The following INPP5K variants were observed in gnomAD, a reference collection of about 807,000 sequenced individuals.
INPP5K encodes the protein inositol polyphosphate 5-phosphatase K.
A neutral mutation model predicts 53.5 loss-of-function variants in INPP5K; 35 were observed. That is an observed-to-expected ratio of 0.65 (90% confidence interval 0.50 to 0.87). The LOEUF (loss-of-function observed/expected upper bound fraction) is 0.87, where lower values mean the gene tolerates loss of function less well. INPP5K is among the 40% of genes least tolerant of loss of function. The pLI is 0.00. For synonymous variants in INPP5K, 253 were observed against 232.8 expected, an observed-to-expected ratio of 1.09 and a Z score of -0.79; for missense variants, 550 against 586.2, an observed-to-expected ratio of 0.94 and a Z score of 0.64.
Position 1,495,755 on chromosome 17 carries a change from C to T in INPP5K, c.*68G>A. Reference sequence around the variant, plus strand: ...GGGGCCAGGCTGGGCCCCCAGCACTCCCGGCAGTGGAAAGGCAGAGCTGGC... The same window carrying T: ...GGGGCCAGGCTGGGCCCCCAGCACTTCCGGCAGTGGAAAGGCAGAGCTGGC... On this transcript the variant is annotated 3_prime_UTR_variant, in exon 12 of 12. Transcript: ENST00000421807. The T allele has an allele frequency of 5.0e-6, 6 of 1,209,866 alleles. No homozygotes were observed. The East Asian group carries it at 1.2e-4, about 24-fold the overall frequency. The allele number at this position is 1,209,866 out of a possible 1,614,324, so 74.9% of individuals were successfully genotyped here.
At chr17:1,503,942 T>G (rs865893710) in intron 7 of INPP5K, among the ~76,000 whole-genome samples, 151 of 152,256 alleles carry the variant, frequency 9.9e-4, no homozygotes, top group African/African-American at 3.2e-3. Context: ...CCCTCCAGGT[T>G]CCTCTCGTCA....
intron 8 of INPP5K, among the ~76,000 whole-genome samples, chr17:1,497,067 C>T (rs186349995): frequency 5.9e-5 from 9 of 152,338 alleles, no homozygotes; most frequent in South Asian, 2.1e-4. Flanking sequence ...AGCAGAGGCA[C>T]GGCTGAGAGG....
At position 1,498,083 on chromosome 17, in the gene INPP5K, C is replaced by G; in HGVS notation, c.816G>C (p.Leu272=). The G allele has an allele frequency of 6.2e-7, 1 of 1,613,888 alleles. No homozygotes were observed. Reference sequence around the variant, plus strand: ...CACAGGGCTGCCGCTTCAGCCTCCACAGGATGCGATCGGTCCATGCAGGCT... The same window carrying G: ...CACAGGGCTGCCGCTTCAGCCTCCAGAGGATGCGATCGGTCCATGCAGGCT... ...KRKPAWTDRI[L]WRLKRQPCAG... is the part of the protein sequence containing the mutation. The change falls in exon 8 of 12, where the codon CTG becomes CTC. Residue 272 remains leucine (L), a synonymous_variant. Transcript: ENST00000421807.
Position 1,496,150 on chromosome 17 carries a change from G to T in INPP5K, c.1200C>A (p.Ile400=). 6.2e-7 allele frequency: 1 copy of T among 1,611,026 alleles called. No homozygotes were observed. The highest frequency in any genetic ancestry group is 8.5e-7 in the Non-Finnish European group (1 of 1,177,212). ...CATCTTCAGTGGTAGGGATATTGCT[G>T]ATGTCGATGTAAACCTGGAGGGGGA... ...SDNLNQVYID[I]SNIPTTEDEF... Residue 400 remains isoleucine (I), a synonymous_variant, in exon 11 of 12, where the codon ATC becomes ATA. Transcript: ENST00000421807.
chr17:1,516,566 A>G lies in INPP5K; in HGVS notation c.-67T>C. 1 of 1,477,094 alleles carries G rather than the reference A, an allele frequency of 6.8e-7. No individual in the cohort carries two copies. The highest frequency in any genetic ancestry group is 8.9e-7 in the Non-Finnish European group (1 of 1,122,242). 91.5% of individuals were successfully genotyped at this position (1,477,094 alleles called of 1,614,324 possible). On this transcript the variant is annotated 5_prime_UTR_variant, in exon 1 of 12. Coordinates refer to ENST00000421807, the MANE Select transcript of INPP5K (RefSeq NM_016532.4). ...CTCCCGGCCAGCGGGTCCCGGCCAG[A>G]GCAGCCCTGCGGGCGGCCGGTCTCA...
intron 7 of INPP5K, among the ~76,000 whole-genome samples, 183 bp downstream of exon 7, chr17:1,506,797 G>A (rs148573162): frequency 1.2e-3 from 178 of 150,956 alleles, no homozygotes; most frequent in African/African-American, 3.7e-3. Context: ...CCACTCTCTC[G>A]AGATCTGGGA....
intron 10 of INPP5K, 51 bp from the exon 11 acceptor site, chr17:1,496,215 C>G: frequency 1.3e-6 from 2 of 1,525,716 alleles, no homozygotes; most frequent in Middle Eastern, 1.7e-4. Flanking sequence ...CTGGGCTCCA[C>G]CCAGCTCTGA....
intron 7 of INPP5K, among the ~76,000 whole-genome samples, chr17:1,504,892 T>C (rs1233811589): frequency 6.6e-6 from 1 of 152,212 alleles, no homozygotes; most frequent in Non-Finnish European, 1.5e-5. Context: ...AGGAAAGTAC[T>C]GTGGGCTACA....
chr17:1,516,260 T>C, intron 1 of INPP5K, 196 bp downstream of exon 1: 1 of 862,818 alleles, frequency 1.2e-6, no homozygotes, highest in Non-Finnish European at 1.7e-6. Flanking sequence ...GGGAACGAGC[T>C]TGGCGGCCTC....
intron 8 of INPP5K, among the ~76,000 whole-genome samples, chr17:1,497,006 G>A (rs1379074226): frequency 2.6e-5 from 4 of 152,214 alleles, no homozygotes; most frequent in Non-Finnish European, 5.9e-5. Flanking sequence ...CGGGTGGCTG[G>A]CCCTGTCGGA....
chr17:1,515,643 C>T, intron 1 of INPP5K: 2 of 963,138 alleles, frequency 2.1e-6, no homozygotes, highest in Non-Finnish European at 2.5e-6. Context: ...GCCAAAACAT[C>T]TCTCCTCCAA....
intron 7 of INPP5K, among the ~76,000 whole-genome samples, chr17:1,504,327 C>A (rs898748514): frequency 3.3e-5 from 5 of 152,154 alleles, no homozygotes; most frequent in African/African-American, 9.7e-5. Context: ...GAGGAGGGGC[C>A]GGGAAGGCGT....
At chr17:1,506,808 C>T (rs1023869225) in intron 7 of INPP5K, among the ~76,000 whole-genome samples, 172 bp downstream of exon 7, 6 of 152,022 alleles carry the variant, frequency 3.9e-5, no homozygotes, top group African/African-American at 9.7e-5. Context: ...AGATCTGGGA[C>T]GGCTCCCCGA....
At chr17:1,515,862 TC>T (rs1249418456) in intron 1 of INPP5K, 11 of 961,748 alleles carry the variant, frequency 1.1e-5, no homozygotes, top group Non-Finnish European at 1.4e-5. Context: ...GACCTTTTAC[TC>T]AGAGACTTCT....
chr17:1,501,340 G>A (rs2075007945), intron 7 of INPP5K, among the ~76,000 whole-genome samples: 1 of 152,240 alleles, frequency 6.6e-6, no homozygotes. Flanking sequence ...TAGCAACTGA[G>A]GAGAATGGCG....
intron 3 of INPP5K, 118 bp from the exon 4 acceptor site, chr17:1,509,917 G>C: frequency 1.5e-6 from 1 of 647,730 alleles, no homozygotes; most frequent in Non-Finnish European, 2.7e-6. Context: ...TCCTGCTCCA[G>C]GGTCTACGAT....
At chr17:1,502,893 GT>G (rs533148973) in intron 7 of INPP5K, among the ~76,000 whole-genome samples, 4 of 147,884 alleles carry the variant, frequency 2.7e-5, no homozygotes, top group Non-Finnish European at 4.5e-5. Flanking sequence ...ATGCCCAGCT[GT>G]TTTTTTTTTC....
intron 11 of INPP5K, 80 bp downstream of exon 11, chr17:1,495,980 G>T: frequency 1.4e-6 from 2 of 1,418,334 alleles, no homozygotes; most frequent in Middle Eastern, 1.8e-4. Context: ...TGTACCGGCT[G>T]GCTCCCAGGC....
At position 1,509,056 on chromosome 17, in the gene INPP5K, C is replaced by T. The variant is rs373457229; in HGVS notation, c.554+122G>A. Reference sequence around the variant, plus strand: ...AACAGTCTGCAGACCCAGGCTCACTCGTGGGGGTCAGCGTGGGGCAGAGGG... The same window carrying T: ...AACAGTCTGCAGACCCAGGCTCACTTGTGGGGGTCAGCGTGGGGCAGAGGG... On this transcript the variant is annotated intron_variant, in intron 5 of 11. Coordinates refer to ENST00000421807, the MANE Select transcript of INPP5K (RefSeq NM_016532.4). The T allele has an allele frequency of 2.7e-5, 23 of 863,428 alleles. No individual in the cohort carries two copies. Among genetic ancestry groups the T allele is most frequent in the Non-Finnish European group, 3.8e-5 (22 of 576,638 alleles). 53.5% of individuals were successfully genotyped at this position (863,428 alleles called of 1,614,324 possible). A position where few individuals can be genotyped will look rare whatever the true frequency, so the allele number is the denominator to read the frequency against.
Sources: allele counts gnomAD v4.1 joint callset (sites outside exome capture counted in the v4.1 genomes callset), GRCh38; gene constraint gnomAD v4.1.1; transcripts MANE v1.5; gene names NCBI Gene and HGNC (gene_info 2026-07-23, HGNC 2026-07-21).